The following EZH2 variants were observed in gnomAD, a reference collection of about 807,000 sequenced individuals.
EZH2 encodes enhancer of zeste 2 polycomb repressive complex 2 subunit.
In EZH2, 18 loss-of-function variants were observed where a neutral mutation model predicts 98.4. The observed-to-expected ratio is 0.18, with a 90% confidence interval of 0.13 to 0.27. EZH2 has a LOEUF of 0.27. Among genes scored for constraint, EZH2 ranks in the 10% least tolerant of loss-of-function variants. The pLI is 1.00. For synonymous variants in EZH2, 338 were observed against 312.3 expected (o/e 1.08, Z -0.87); for missense variants, 470 against 935.1 (o/e 0.50, Z 6.49).
intron 12 of EZH2, among the ~76,000 whole-genome samples, 191 bp downstream of exon 12, chr7:148,816,493 G>A (rs1804589885): frequency 6.6e-6 from 1 of 152,224 alleles, no homozygotes; most frequent in South Asian, 2.1e-4. Context: ...ATATACTGAA[G>A]GCTGCTGTAT....
At chr7:148,844,257 GATAT>G (rs1563015096) in intron 3 of EZH2, among the ~76,000 whole-genome samples, 1 of 152,130 alleles carries the variant, frequency 6.6e-6, no homozygotes, top group Non-Finnish European at 1.5e-5. Flanking sequence ...AATAAACAGG[GATAT>G]ATTCTCATCT....
rs1189939128 is a variant in EZH2 at position 148,815,520 on chromosome 7, A to G, written c.1532T>C (p.Ile511Thr). The change falls in exon 13 of 20, where the codon ATA becomes ACA. Residue 511 changes from isoleucine to threonine, a missense_variant. This residue lies in a region of EZH2 where 106 missense variants were observed against 327.2 expected (regional missense o/e 0.32). Coordinates refer to ENST00000320356, the MANE Select transcript of EZH2 (RefSeq NM_004456.5). Reference protein sequence around the residue: ...HRLWAAHCRKIQLKKDGSSNH... With the variant: ...HRLWAAHCRKTQLKKDGSSNH... Reference sequence around the variant, plus strand: ...AAGATGCTAACCCTTTTTCAGCTGTATCTTTCTGCAGTGTGCAGCCCACAA... The same window carrying G: ...AAGATGCTAACCCTTTTTCAGCTGTGTCTTTCTGCAGTGTGCAGCCCACAA... 1 of 1,614,030 alleles carries G rather than the reference A, an allele frequency of 6.2e-7. No homozygotes were observed. The highest frequency in any genetic ancestry group is 8.5e-7 in the Non-Finnish European group (1 of 1,179,962).
intron 1 of EZH2, among the ~76,000 whole-genome samples, chr7:148,882,220 CATTT>C (rs1821111378): frequency 6.6e-6 from 1 of 152,126 alleles, no homozygotes; most frequent in African/African-American, 2.4e-5. Flanking sequence ...ATTTATATTG[CATTT>C]ATTTGTCTCC....
chr7:148,857,702 G>A (rs113910590), intron 1 of EZH2, among the ~76,000 whole-genome samples: 20,651 of 152,096 alleles, frequency 0.14, 1,545 homozygotes, highest in East Asian at 0.25. Context: ...AGTGAGCAGA[G>A]ATCGCACCTC....
At chr7:148,841,691 C>T (rs1563006386) in intron 3 of EZH2, among the ~76,000 whole-genome samples, 1 of 152,118 alleles carries the variant, frequency 6.6e-6, no homozygotes, top group Non-Finnish European at 1.5e-5. Context: ...ACATGAAATA[C>T]ACTAGGATAT....
intron 9 of EZH2, 56 bp downstream of exon 9, chr7:148,819,540 C>A: frequency 6.9e-7 from 1 of 1,443,022 alleles, no homozygotes; most frequent in East Asian, 2.3e-5. Flanking sequence ...ATCACCTCCA[C>A]CAAAGTGCAA....
At chr7:148,868,452 A>G (rs1818853998) in intron 1 of EZH2, among the ~76,000 whole-genome samples, 1 of 152,026 alleles carries the variant, frequency 6.6e-6, no homozygotes, top group Non-Finnish European at 1.5e-5. Context: ...ACCAGATCTC[A>G]CGAGAACTCA....
chr7:148,810,292 T>C (rs772402407), intron 17 of EZH2, 41 bp downstream of exon 17: 3 of 1,467,764 alleles, frequency 2.0e-6, no homozygotes, highest in Non-Finnish European at 1.9e-6. Flanking sequence ...GGCTGCCACA[T>C]GCAACTCAGG....
intron 1 of EZH2, chr7:148,876,224 T>C (rs866663807): frequency 1.3e-5 from 2 of 151,438 alleles, no homozygotes; most frequent in Non-Finnish European, 2.9e-5. Flanking sequence ...GAGGCGGAGG[T>C]TGCAGTGAGC....
chr7:148,843,870 C>T (rs1813228095), intron 3 of EZH2, among the ~76,000 whole-genome samples: 1 of 152,074 alleles, frequency 6.6e-6, no homozygotes, highest in South Asian at 2.1e-4. Context: ...GCTGGGATTA[C>T]AGGCGTGAGC....
chr7:148,853,864 C>T (rs1485669069), intron 1 of EZH2, among the ~76,000 whole-genome samples: 1 of 152,190 alleles, frequency 6.6e-6, no homozygotes, highest in African/African-American at 2.4e-5. Context: ...TCATAGCCTA[C>T]TTCATTATCA....
rs1804769399 is a variant in EZH2 at position 148,817,124 on chromosome 7, C to T, written c.1410+98G>A. On this transcript the variant is annotated intron_variant, in intron 11 of 19. Coordinates refer to ENST00000320356, the MANE Select transcript of EZH2 (RefSeq NM_004456.5). ...ATTATTTTTAGGAGATGAATAGGAG[C>T]TTAGTAATAACCAAGAATTTTCTTT... is the stretch of plus-strand genomic sequence containing the variant. The T allele has an allele frequency of 1.6e-5, 18 of 1,151,234 alleles. 1 individual carries two copies. In the South Asian group the frequency reaches 2.8e-4, roughly 18 times the overall value. 71.3% of individuals were successfully genotyped at this position (1,151,234 alleles called of 1,614,324 possible). A position where few individuals can be genotyped will look rare whatever the true frequency, so the allele number is the denominator to read the frequency against.
intron 1 of EZH2, among the ~76,000 whole-genome samples, chr7:148,852,822 G>A (rs998235126): frequency 6.6e-6 from 1 of 151,770 alleles, no homozygotes; most frequent in South Asian, 2.1e-4. Context: ...TAATACAGAG[G>A]GTATCTCAGA....
intron 1 of EZH2, 92 bp from the exon 2 acceptor site, chr7:148,847,397 GAAGA>G (rs1585162955): frequency 6.7e-7 from 1 of 1,494,556 alleles, no homozygotes; most frequent in East Asian, 2.3e-5. Flanking sequence ...AACAATCAGT[GAAGA>G]AATGACACAT....
Position 148,827,164 on chromosome 7 carries a change from T to C in EZH2, c.728A>G (p.Lys243Arg). The C allele has an allele frequency of 6.2e-7, 1 of 1,609,090 alleles. No individual in the cohort carries two copies. The highest frequency in any genetic ancestry group is 8.5e-7 in the Non-Finnish European group (1 of 1,178,296). Residue 243 changes from lysine (K) to arginine (R), a missense_variant and splice_region_variant, in exon 7 of 20, where the codon AAA becomes AGA. Lys to Arg is a conservative substitution (Grantham distance 26). Around this residue, in one of 6 missense-constraint regions of EZH2, gnomAD observed 3 missense variants for 16.5 expected, o/e 0.18. Transcript: ENST00000320356. ...TTGCCTCAAAGGAACAAATTCTTAC[T>C]TTTCCTTTAGTTCTTCTGCTGTGCC... ...DKGTAEELKE[K>R]YKELTEQQLP...
chr7:148,862,510 G>C (rs1817821637), intron 1 of EZH2, among the ~76,000 whole-genome samples: 1 of 152,126 alleles, frequency 6.6e-6, no homozygotes, highest in African/African-American at 2.4e-5. Flanking sequence ...TCCTTGAAGT[G>C]ACAGTCTCAC....
chr7:148,847,587 A>G (rs1305227131), intron 1 of EZH2, among the ~76,000 whole-genome samples: 2 of 152,240 alleles, frequency 1.3e-5, no homozygotes, highest in Admixed American at 1.3e-4. Flanking sequence ...TAGGTATACT[A>G]TACTATATCA....
intron 9 of EZH2, chr7:148,819,124 A>T: frequency 2.2e-6 from 1 of 454,722 alleles, no homozygotes; most frequent in South Asian, 1.6e-5. Flanking sequence ...TTTCTACCTC[A>T]TATTTTCCTA....
intron 7 of EZH2, among the ~76,000 whole-genome samples, chr7:148,826,948 G>C: frequency 6.6e-6 from 1 of 152,200 alleles, no homozygotes; most frequent in East Asian, 1.9e-4. Context: ...GTGTGTTTAT[G>C]TGTATATATA....
Sources: gnomAD v4.1 joint callset for allele counts (sites outside exome capture counted in the v4.1 genomes callset) on GRCh38, gnomAD v4.1.1 for gene constraint, gnomAD v4.1.1 regional missense constraint, MANE v1.5 for transcripts, NCBI Gene and HGNC (gene_info 2026-07-23, HGNC 2026-07-21) for gene names.